The following IMMP1L variants were observed in gnomAD, a reference collection of about 807,000 sequenced individuals.
IMMP1L encodes the protein mitochondrial inner membrane protease subunit 1.
In IMMP1L, 24 loss-of-function variants were observed where a neutral mutation model predicts 21.8. That is an observed-to-expected ratio of 1.10 (90% CI 0.80 to 1.55). IMMP1L has a LOEUF of 1.55. Ranked by LOEUF, IMMP1L falls within the 40% of genes most tolerant of loss-of-function variation. The pLI is 0.00. For synonymous variants in IMMP1L, 46 were observed against 62.8 expected (o/e 0.73, Z 1.26); for missense variants, 195 against 200.7 (o/e 0.97, Z 0.17).
intron 1 of IMMP1L, among the ~76,000 whole-genome samples, chr11:31,485,608 T>A (rs1298833475): frequency 1.3e-5 from 2 of 151,850 alleles, no homozygotes; most frequent in Non-Finnish European, 2.9e-5. Context: ...ATACTTAAGC[T>A]CTCACCTAAG....
Position 31,456,446 on chromosome 11 carries a change from G to A in IMMP1L, c.195-60C>T, listed in dbSNP as rs997645461. On this transcript the variant is annotated intron_variant, in intron 3 of 5. Transcript: ENST00000532287. The stretch of plus-strand genomic sequence containing the variant: ...TTTATTAAGCAAAAACACATGCATG[G>A]CACTGCTTTAATACTTTTATAAGAC... 3.7e-5 allele frequency: 49 copies of A among 1,332,064 alleles called. No individual in the cohort carries two copies. The East Asian group carries it at 9.7e-4, about 26-fold the overall frequency. 82.5% of individuals were successfully genotyped at this position (1,332,064 alleles called of 1,614,324 possible). A position where few individuals can be genotyped will look rare whatever the true frequency, so the allele number is the denominator to read the frequency against.
intron 1 of IMMP1L, among the ~76,000 whole-genome samples, chr11:31,469,245 C>T (rs1591993006): frequency 6.6e-6 from 1 of 151,598 alleles, no homozygotes; most frequent in South Asian, 2.1e-4. Flanking sequence ...AAAATAGAAT[C>T]AAATGACTGA....
intron 1 of IMMP1L, among the ~76,000 whole-genome samples, chr11:31,467,388 T>C (rs1954393810): frequency 6.6e-6 from 1 of 152,132 alleles, no homozygotes; most frequent in Non-Finnish European, 1.5e-5. Flanking sequence ...CTAAGTATCA[T>C]GCTCCACCAG....
rs753269038 is a variant in IMMP1L at position 31,433,351 on chromosome 11, C to T, written c.432+109G>A. Reference sequence around the variant, plus strand: ...GGCCAACAGGTTCAAAAAATATATTCGGTGCAACAGTTAAGTACACTGACA... The same window carrying T: ...GGCCAACAGGTTCAAAAAATATATTTGGTGCAACAGTTAAGTACACTGACA... On this transcript the variant is annotated intron_variant, in intron 5 of 5. Transcript: ENST00000532287. 623 of 585,582 alleles carry T rather than the reference C, an allele frequency of 1.1e-3. 11 individuals are homozygous for T. Among genetic ancestry groups the T allele is most frequent in the Non-Finnish European group, 3.3e-4 (115 of 349,296 alleles). 36.3% of individuals were successfully genotyped at this position (585,582 alleles called of 1,614,324 possible).
intron 1 of IMMP1L, among the ~76,000 whole-genome samples, chr11:31,494,016 G>C (rs578253049): frequency 2.0e-5 from 3 of 152,280 alleles, no homozygotes; most frequent in Non-Finnish European, 2.9e-5. Flanking sequence ...CCAGGTGCAC[G>C]GTGCAAGCTG....
At chr11:31,501,428 C>T (rs1368617725) in intron 1 of IMMP1L, among the ~76,000 whole-genome samples, 1 of 152,138 alleles carries the variant, frequency 6.6e-6, no homozygotes, top group Non-Finnish European at 1.5e-5. Flanking sequence ...TTCTCTCTTG[C>T]TCTCTCTTGG....
In IMMP1L at chr11:31,441,171, A is replaced by ATGTG. The variant is rs1953314152; in HGVS notation, c.322-7602_322-7601insCACA. 2.0e-5 allele frequency among the ~76,000 whole-genome samples: 3 copies of ATGTG among 152,152 alleles called. No individual in the cohort carries two copies. The South Asian group carries it at 6.2e-4, about 32-fold the overall frequency. On this transcript the variant is annotated intron_variant, in intron 4 of 5. Coordinates refer to ENST00000532287, the MANE Select transcript of IMMP1L (RefSeq NM_001304274.2). ...AGTAACTTAAAGTATACATATGTAT[A>ATGTG]TATACACAGAAATATATGTGTATGT...
chr11:31,446,382 C>A (rs1290778619), intron 4 of IMMP1L, among the ~76,000 whole-genome samples: 2 of 152,170 alleles, frequency 1.3e-5, no homozygotes, highest in Non-Finnish European at 2.9e-5. Context: ...AATGGCCCCA[C>A]AGAAACTAAA....
intron 4 of IMMP1L, among the ~76,000 whole-genome samples, chr11:31,435,332 CAA>C (rs1660974596): frequency 6.6e-6 from 1 of 152,180 alleles, no homozygotes; most frequent in African/African-American, 2.4e-5. Flanking sequence ...ACTTAACACA[CAA>C]AGTCAGCCTT....
At chr11:31,464,904 C>G (rs1321995645) in intron 1 of IMMP1L, among the ~76,000 whole-genome samples, 9 of 152,102 alleles carry the variant, frequency 5.9e-5, no homozygotes, top group African/African-American at 2.2e-4. Flanking sequence ...CCCACCTTCA[C>G]CACTCTTATT....
intron 1 of IMMP1L, among the ~76,000 whole-genome samples, chr11:31,479,886 T>A (rs552383246): frequency 1.3e-5 from 2 of 152,136 alleles, no homozygotes; most frequent in South Asian, 4.1e-4. Flanking sequence ...ATCTGGTAGA[T>A]AAGCTTAGTA....
At chr11:31,466,751 G>A (rs1211147822) in intron 1 of IMMP1L, among the ~76,000 whole-genome samples, 2 of 152,042 alleles carry the variant, frequency 1.3e-5, no homozygotes, top group Non-Finnish European at 2.9e-5. Flanking sequence ...AGGTATCAGA[G>A]GCTGGGAAGG....
At chr11:31,508,641 A>G (rs778896445) in intron 1 of IMMP1L, among the ~76,000 whole-genome samples, 7 of 152,232 alleles carry the variant, frequency 4.6e-5, no homozygotes, top group Non-Finnish European at 7.3e-5. Context: ...AAACAATTCG[A>G]TGGCAAGAAT....
chr11:31,503,968 A>T (rs1412144978), intron 1 of IMMP1L, among the ~76,000 whole-genome samples: 1 of 152,254 alleles, frequency 6.6e-6, no homozygotes, highest in East Asian at 1.9e-4. Context: ...ATGATGCGAT[A>T]TAGCAAGGAA....
chr11:31,497,580 GC>G (rs1179428892), intron 1 of IMMP1L, among the ~76,000 whole-genome samples: 8 of 151,172 alleles, frequency 5.3e-5, no homozygotes, highest in African/African-American at 1.9e-4. Flanking sequence ...TCCTGCCTCA[GC>G]CTCCCAAGTA....
intron 1 of IMMP1L, among the ~76,000 whole-genome samples, chr11:31,492,711 A>C (rs1169025217): frequency 6.6e-6 from 1 of 152,208 alleles, no homozygotes; most frequent in African/African-American, 2.4e-5. Flanking sequence ...TCTCAGTGAC[A>C]CAATGAAGTG....
At chr11:31,497,328 TATAGTATG>T (rs1388187520) in intron 1 of IMMP1L, among the ~76,000 whole-genome samples, 3 of 152,158 alleles carry the variant, frequency 2.0e-5, no homozygotes, top group Middle Eastern at 3.4e-3. Flanking sequence ...TTAACAAGAA[TATAGTATG>T]ATTCCACTTA....
At chr11:31,501,944 C>G (rs1433755343) in intron 1 of IMMP1L, among the ~76,000 whole-genome samples, 1 of 151,638 alleles carries the variant, frequency 6.6e-6, no homozygotes, top group Non-Finnish European at 1.5e-5. Context: ...TGCCACTGCA[C>G]TCCAGCCTGG....
intron 1 of IMMP1L, among the ~76,000 whole-genome samples, chr11:31,494,065 C>A (rs1346526395): frequency 6.6e-6 from 1 of 152,212 alleles, no homozygotes. Context: ...AGGACCATGG[C>A]CCTCTTCTCA....
Sources: gnomAD v4.1 joint callset for allele counts (sites outside exome capture counted in the v4.1 genomes callset) on GRCh38, gnomAD v4.1.1 for gene constraint, MANE v1.5 for transcripts, NCBI Gene and HGNC (gene_info 2026-07-23, HGNC 2026-07-21) for gene names.